The following RBPMS2 variants were observed in gnomAD, a reference collection of about 807,000 sequenced individuals.
RBPMS2 encodes RNA-binding protein with multiple splicing 2.
In RBPMS2, 14 loss-of-function variants were observed where a neutral mutation model predicts 25.7. That is an observed-to-expected ratio of 0.55 (90% CI 0.36 to 0.85). The LOEUF is 0.85. Among genes scored for constraint, RBPMS2 ranks in the 40% least tolerant of loss-of-function variants. The pLI, the probability that RBPMS2 is intolerant of heterozygous loss-of-function variation, is 0.01. For synonymous variants in RBPMS2, 127 were observed against 115.6 expected (o/e 1.10, Z -0.63); for missense variants, 252 against 283.4 (o/e 0.89, Z 0.80).
intron 1 of RBPMS2, among the ~76,000 whole-genome samples, chr15:64,754,716 C>A (rs1367857298): frequency 2.0e-5 from 3 of 151,146 alleles, no homozygotes; most frequent in Non-Finnish European, 3.0e-5. Flanking sequence ...AAAAAAAAAA[C>A]CCAAAACCCA....
chr15:64,744,809 T>G (rs1231071190), intron 6 of RBPMS2, among the ~76,000 whole-genome samples: 27 of 104,628 alleles, frequency 2.6e-4, no homozygotes, highest in South Asian at 3.9e-4. Context: ...TTTTTTTTTT[T>G]TTTTTTTTTT....
intron 6 of RBPMS2, among the ~76,000 whole-genome samples, chr15:64,742,072 G>T (rs544496694): frequency 0.013 from 1,939 of 152,258 alleles, 30 homozygotes; most frequent in African/African-American, 0.045. Flanking sequence ...GCTGAGGCAA[G>T]GAGAATCGCT....
intron 1 of RBPMS2, among the ~76,000 whole-genome samples, chr15:64,769,416 C>G (rs2083875606): frequency 7.7e-6 from 1 of 130,664 alleles, no homozygotes; most frequent in Non-Finnish European, 1.6e-5. Flanking sequence ...AAGAGCGAAA[C>G]TCCGTCTCAA....
At chr15:64,769,531 G>T (rs1362099107) in intron 1 of RBPMS2, among the ~76,000 whole-genome samples, 1 of 151,202 alleles carries the variant, frequency 6.6e-6, no homozygotes, top group Non-Finnish European at 1.5e-5. Context: ...GTAGCAGCGG[G>T]CGCCTGTAGT....
At chr15:64,747,557 C>T (rs1051939607) in intron 6 of RBPMS2, among the ~76,000 whole-genome samples, 1 of 152,214 alleles carries the variant, frequency 6.6e-6, no homozygotes, top group African/African-American at 2.4e-5. Flanking sequence ...CCCCCAGCCC[C>T]TTCCTGTGGC....
intron 6 of RBPMS2, among the ~76,000 whole-genome samples, chr15:64,745,077 G>C (rs1006863196): frequency 6.6e-6 from 1 of 152,018 alleles, no homozygotes; most frequent in African/African-American, 2.4e-5. Flanking sequence ...GCCTCCCAAA[G>C]TACTGGGATT....
In RBPMS2 at chr15:64,768,791, G is replaced by A. The variant is rs1162995213; in HGVS notation, c.87+6442C>T. On this transcript the variant is annotated intron_variant, in intron 1 of 7. Coordinates refer to ENST00000300069, the MANE Select transcript of RBPMS2 (RefSeq NM_194272.3). ...CAGCCTGGGCAACAACAGAGACCCC[G>A]TCTATAAAAAAAAAAAAAGGAATTT... 7.1e-5 allele frequency among the ~76,000 whole-genome samples: 6 copies of A among 84,144 alleles called. No homozygotes were observed. The East Asian group carries it at 1.6e-3, about 23-fold the overall frequency. 55.2% of individuals were successfully genotyped at this position (84,144 alleles called of 152,430 possible). A position where few individuals can be genotyped will look rare whatever the true frequency, so the allele number is the denominator to read the frequency against.
rs924031453 is a variant in RBPMS2, at chr15:64,749,376, A to T, written c.267+55T>A. ...GCCGGGAAATAAGATACATCTGCACACCCACTGCCTAAGAGGGCTGTGAGT... is the reference window on the plus strand; with the variant it reads ...GCCGGGAAATAAGATACATCTGCACTCCCACTGCCTAAGAGGGCTGTGAGT... On this transcript the variant is annotated intron_variant, in intron 4 of 7. Coordinates refer to ENST00000300069, the MANE Select transcript of RBPMS2 (RefSeq NM_194272.3). The T allele has an allele frequency of 3.4e-6, 5 of 1,492,154 alleles. No homozygotes were observed. The African/African-American group carries it at 6.9e-5, about 21-fold the overall frequency. 92.4% of individuals were successfully genotyped at this position (1,492,154 alleles called of 1,614,324 possible). A position where few individuals can be genotyped will look rare whatever the true frequency, so the allele number is the denominator to read the frequency against.
At chr15:64,748,634 C>T (rs1393031925) in intron 5 of RBPMS2, 67 bp from the exon 6 acceptor site, 2 of 1,491,222 alleles carry the variant, frequency 1.3e-6, no homozygotes, top group Non-Finnish European at 1.8e-6. Context: ...GAGAAGGGGA[C>T]CCAGCACTAT....
At chr15:64,771,631 A>G (rs1043074721) in intron 1 of RBPMS2, among the ~76,000 whole-genome samples, 1 of 151,720 alleles carries the variant, frequency 6.6e-6, no homozygotes, top group Non-Finnish European at 1.5e-5. Context: ...AGATTGCGCC[A>G]CTGCACCCCA....
intron 1 of RBPMS2, among the ~76,000 whole-genome samples, chr15:64,774,004 A>G (rs993596150): frequency 1.3e-5 from 2 of 152,238 alleles, no homozygotes; most frequent in African/African-American, 2.4e-5. Context: ...TTCCGCCAAA[A>G]AGTGGAGATC....
At position 64,748,501 on chromosome 15, in the gene RBPMS2, G is replaced by A; in HGVS notation, c.485C>T (p.Thr162Ile). ...GGAGATGGCTGGGGTCAGCTCTGTG[G>A]TGTACAAAGGGTAGGGGGCCCAGGC... The part of the protein sequence containing the change: ...PEAWAPYPLY[T>I]TELTPAISHA... Residue 162 changes from threonine to isoleucine, a missense_variant, in exon 6 of 8, where the codon ACC becomes ATC. Transcript: ENST00000300069. 6.2e-7 allele frequency: 1 copy of A among 1,613,460 alleles called. No individual in the cohort carries two copies. Among genetic ancestry groups the A allele is most frequent in the Non-Finnish European group, 8.5e-7 (1 of 1,179,680 alleles).
At chr15:64,759,329 G>A (rs956267800) in intron 1 of RBPMS2, among the ~76,000 whole-genome samples, 5 of 152,152 alleles carry the variant, frequency 3.3e-5, no homozygotes, top group Admixed American at 6.6e-5. Context: ...ATCCCACCAC[G>A]ACGGAGGAGC....
chr15:64,768,771 T>C (rs2083868773), intron 1 of RBPMS2, among the ~76,000 whole-genome samples: 1 of 148,548 alleles, frequency 6.7e-6, no homozygotes, highest in African/African-American at 2.5e-5. Context: ...CACTCCAGCC[T>C]GGGCAACAAC....
chr15:64,743,719 C>T lies in RBPMS2; in HGVS notation c.568-2477G>A, dbSNP rs77246882. Among the ~76,000 whole-genome samples the T allele has an allele frequency of 5.8e-3, 881 of 152,232 alleles. 8 individuals carry two copies. Among genetic ancestry groups the T allele is most frequent in the Non-Finnish European group, 0.011 (715 of 68,026 alleles). On this transcript the variant is annotated intron_variant, in intron 6 of 7. Coordinates refer to ENST00000300069, the MANE Select transcript of RBPMS2 (RefSeq NM_194272.3). The stretch of plus-strand genomic sequence containing the variant: ...GAGAGGGCTGCTTCAAAACAAAGAG[C>T]GGAGGATGCAAACTCAGCCGTCTCT...
At chr15:64,762,758 T>C (rs951377680) in intron 1 of RBPMS2, among the ~76,000 whole-genome samples, 4 of 152,270 alleles carry the variant, frequency 2.6e-5, no homozygotes, top group Admixed American at 6.5e-5. Flanking sequence ...TGACACTCTA[T>C]GACACCAGGC....
chr15:64,754,092 C>T (rs1236728515), intron 1 of RBPMS2, among the ~76,000 whole-genome samples: 3 of 152,298 alleles, frequency 2.0e-5, no homozygotes, highest in Admixed American at 2.0e-4. Context: ...GGGTGGATCA[C>T]TTGAGGTCAA....
At chr15:64,742,787 G>T (rs893980260) in intron 6 of RBPMS2, among the ~76,000 whole-genome samples, 3 of 152,200 alleles carry the variant, frequency 2.0e-5, no homozygotes, top group Admixed American at 6.5e-5. Flanking sequence ...GCTCCCTTGA[G>T]GTTGGAGCAG....
chr15:64,774,477 T>C (rs1172678707), intron 1 of RBPMS2, among the ~76,000 whole-genome samples: 1 of 152,020 alleles, frequency 6.6e-6, no homozygotes, highest in African/African-American at 2.4e-5. Context: ...CGGAGCCGCC[T>C]TACACTCCCT....
Sources: gnomAD v4.1 joint callset for allele counts (sites outside exome capture counted in the v4.1 genomes callset) on GRCh38, gnomAD v4.1.1 for gene constraint, MANE v1.5 for transcripts, NCBI Gene and HGNC (gene_info 2026-07-23, HGNC 2026-07-21) for gene names.